Variants in NBAS observed in about 807,000 individuals in gnomAD.
The protein encoded by NBAS is NAG/BC035112 fusion.
A neutral mutation model predicts 302.5 loss-of-function variants in NBAS; 219 were observed. The observed-to-expected ratio is 0.72, with a 90% CI of 0.65 to 0.81. NBAS has a LOEUF of 0.81. NBAS is among the 30% of genes least tolerant of loss of function. NBAS has a pLI of 0.00. For synonymous variants in NBAS, 1,118 were observed against 1,021.6 expected (o/e 1.09, Z -1.80); for missense variants, 2,932 against 2,841.6 (o/e 1.03, Z -0.72).
the NBAS span, among the ~76,000 whole-genome samples, chr2:15,039,307 C>T: frequency 6.6e-6 from 1 of 152,262 alleles, no homozygotes; most frequent in African/African-American, 2.4e-5. Flanking sequence ...TGTCTGGAAG[C>T]CAGCCCCCAG....
the NBAS span, among the ~76,000 whole-genome samples, chr2:15,091,471 T>G: frequency 3.3e-5 from 5 of 152,208 alleles, no homozygotes; most frequent in Admixed American, 2.6e-4. Context: ...TTTCTCTTCC[T>G]TGTGGTTTTT....
At chr2:15,276,476 T>C (rs972308298) in intron 43 of NBAS, among the ~76,000 whole-genome samples, 1 of 152,222 alleles carries the variant, frequency 6.6e-6, no homozygotes, top group African/African-American at 2.4e-5. Flanking sequence ...TTTAAACATA[T>C]AGGCTCCAGT....
chr2:15,357,293 G>C (rs1178959190), intron 32 of NBAS, among the ~76,000 whole-genome samples: 4 of 152,126 alleles, frequency 2.6e-5, no homozygotes, highest in Non-Finnish European at 4.4e-5. Context: ...AACTAATCAA[G>C]TATTTTCTTT....
At chr2:14,814,758 T>C in the NBAS span, among the ~76,000 whole-genome samples, 17 of 152,168 alleles carry the variant, frequency 1.1e-4, 1 homozygote, top group African/African-American at 3.9e-4. Context: ...TATTTTGCAA[T>C]GTGAGCAGTA....
chr2:15,339,557 A>T (rs2148262947), intron 35 of NBAS, among the ~76,000 whole-genome samples: 1 of 152,350 alleles, frequency 6.6e-6, no homozygotes, highest in Non-Finnish European at 1.5e-5. Flanking sequence ...TTCCGGAAAT[A>T]CAAAACTGAC....
chr2:14,850,014 C>A, the NBAS span, among the ~76,000 whole-genome samples: 1 of 139,018 alleles, frequency 7.2e-6, no homozygotes, highest in African/African-American at 3.3e-5. Flanking sequence ...GAAGAAACTG[C>A]ATCAACTAAC....
chr2:15,397,116 G>T (rs1036487375), intron 26 of NBAS, among the ~76,000 whole-genome samples: 36 of 152,202 alleles, frequency 2.4e-4, no homozygotes, highest in African/African-American at 8.7e-4. Flanking sequence ...TCATGAAAAA[G>T]ATCACAAACT....
At chr2:15,279,224 T>C (rs141505005) in intron 42 of NBAS, among the ~76,000 whole-genome samples, 155 of 152,308 alleles carry the variant, frequency 1.0e-3, no homozygotes, top group African/African-American at 3.7e-3. Context: ...TCATGCTGAT[T>C]ACTTTCTTGC....
intron 25 of NBAS, among the ~76,000 whole-genome samples, chr2:15,410,726 A>C (rs1676643406): frequency 6.6e-6 from 1 of 152,256 alleles, no homozygotes; most frequent in African/African-American, 2.4e-5. Flanking sequence ...GAAATAATTT[A>C]ATGCCTTTTC....
intron 44 of NBAS, among the ~76,000 whole-genome samples, chr2:15,250,611 T>G (rs932820172): frequency 5.3e-5 from 8 of 152,006 alleles, no homozygotes; most frequent in Admixed American, 3.9e-4. Flanking sequence ...TTAAGCAAAT[T>G]TACAAGAAAT....
the NBAS span, among the ~76,000 whole-genome samples, chr2:14,900,869 G>A: frequency 6.6e-6 from 1 of 152,208 alleles, no homozygotes; most frequent in Non-Finnish European, 1.5e-5. Flanking sequence ...GGTGACACTG[G>A]ATTAAGGAAA....
the NBAS span, among the ~76,000 whole-genome samples, chr2:14,872,447 G>C: frequency 6.6e-6 from 1 of 151,938 alleles, no homozygotes; most frequent in African/African-American, 2.4e-5. Context: ...CTGCCTCCTG[G>C]GTTCCAGTGA....
chr2:15,273,946 G>T (rs1376592981), intron 44 of NBAS, among the ~76,000 whole-genome samples: 1 of 151,864 alleles, frequency 6.6e-6, no homozygotes, highest in Non-Finnish European at 1.5e-5. Flanking sequence ...GCCAGGCATG[G>T]TGGCGGGCTC....
the NBAS span, among the ~76,000 whole-genome samples, chr2:14,945,514 A>T: frequency 1.3e-5 from 2 of 152,250 alleles, no homozygotes; most frequent in Non-Finnish European, 2.9e-5. Flanking sequence ...CTTTAGTTTT[A>T]AAGAAAATCA....
intron 21 of NBAS, among the ~76,000 whole-genome samples, chr2:15,442,463 A>C (rs1678479575): frequency 6.6e-6 from 1 of 151,986 alleles, no homozygotes; most frequent in Non-Finnish European, 1.5e-5. Context: ...ACAAGAACAA[A>C]GACACAACAT....
intron 38 of NBAS, among the ~76,000 whole-genome samples, chr2:15,315,026 G>C (rs1671443040): frequency 6.6e-6 from 1 of 152,184 alleles, no homozygotes; most frequent in South Asian, 2.1e-4. Context: ...GCGTGTGCTG[G>C]GAAGAGGCTA....
At chr2:14,832,108 T>C in the NBAS span, among the ~76,000 whole-genome samples, 1 of 152,132 alleles carries the variant, frequency 6.6e-6, no homozygotes, top group Non-Finnish European at 1.5e-5. Context: ...TTTTCACCTA[T>C]GTATTTCTTC....
chr2:15,353,490 G>A (rs1178074515), intron 34 of NBAS, 63 bp downstream of exon 34: 2 of 1,592,026 alleles, frequency 1.3e-6, no homozygotes. Context: ...ACATACCTCA[G>A]ATACACACAC....
At chr2:14,954,282 G>A in the NBAS span, among the ~76,000 whole-genome samples, 454 of 152,258 alleles carry the variant, frequency 3.0e-3, 1 homozygote, top group Middle Eastern at 0.017. Flanking sequence ...GTGTATGGGC[G>A]CATGCATGAG....
Sources: gnomAD v4.1 joint callset for allele counts (sites outside exome capture counted in the v4.1 genomes callset) on GRCh38, gnomAD v4.1.1 for gene constraint, MANE v1.5 for transcripts, NCBI Gene and HGNC (gene_info 2026-07-23, HGNC 2026-07-21) for gene names.